CSRNP3: variants seen among roughly 807,000 people sequenced by gnomAD.
The protein encoded by CSRNP3 is cysteine and serine rich nuclear protein 3.
CSRNP3 carries 12 observed loss-of-function variants against 48.0 expected under a neutral mutation model. The ratio of observed to expected loss-of-function variants is 0.25; its 90% confidence interval spans 0.16 to 0.41. The LOEUF (loss-of-function observed/expected upper bound fraction) is 0.41. Among genes scored for constraint, CSRNP3 ranks in the 10% least tolerant of loss-of-function variants. The pLI, the probability that CSRNP3 is intolerant of heterozygous loss-of-function variation, is 1.00. For missense variants in CSRNP3, 580 were observed against 724.4 expected (o/e 0.80, Z 2.29); for synonymous variants, 263 against 269.7 (o/e 0.98, Z 0.24).
chr2:165,666,643 GAC>G (rs1373117805), intron 5 of CSRNP3, among the ~76,000 whole-genome samples: 1 of 94,342 alleles, frequency 1.1e-5, no homozygotes, highest in African/African-American at 4.0e-5. Context: ...AGGGAGGAAA[GAC>G]AGAGAGGAAG....
intron 4 of CSRNP3, among the ~76,000 whole-genome samples, chr2:165,628,890 A>G (rs534674024): frequency 1.3e-5 from 2 of 152,310 alleles, no homozygotes; most frequent in African/African-American, 4.8e-5. Flanking sequence ...ACATAGTGAG[A>G]TCCCATCTCT....
At chr2:165,605,965 A>G (rs1558948276) in intron 4 of CSRNP3, among the ~76,000 whole-genome samples, 3 of 152,266 alleles carry the variant, frequency 2.0e-5, no homozygotes, top group South Asian at 4.1e-4. Flanking sequence ...AAATGGCAAC[A>G]TGGTATGTGA....
chr2:165,656,853 G>T (rs1034491951), intron 4 of CSRNP3, among the ~76,000 whole-genome samples: 1 of 152,044 alleles, frequency 6.6e-6, no homozygotes, highest in Non-Finnish European at 1.5e-5. Flanking sequence ...TGTCTTTTTT[G>T]ATTATAGTAT....
chr2:165,605,717 A>G (rs937653298), intron 4 of CSRNP3, among the ~76,000 whole-genome samples: 2 of 152,168 alleles, frequency 1.3e-5, no homozygotes, highest in African/African-American at 4.8e-5. Flanking sequence ...TATAGGTCCA[A>G]CTTATCCTAA....
intron 4 of CSRNP3, among the ~76,000 whole-genome samples, chr2:165,628,901 A>T (rs1157661418): frequency 6.6e-6 from 1 of 152,180 alleles, no homozygotes; most frequent in East Asian, 1.9e-4. Flanking sequence ...TCCCATCTCT[A>T]TTAAATAAAA....
intron 4 of CSRNP3, among the ~76,000 whole-genome samples, chr2:165,620,898 A>G (rs532870381): frequency 6.6e-6 from 1 of 152,070 alleles, no homozygotes; most frequent in Non-Finnish European, 1.5e-5. Flanking sequence ...TCCCTGAATT[A>G]CATTTTTATC....
chr2:165,679,061 G>C lies in CSRNP3; in HGVS notation c.1066G>C (p.Val356Leu). 6.2e-7 allele frequency: 1 copy of C among 1,613,974 alleles called. No homozygotes were observed. Among genetic ancestry groups the C allele is most frequent in the Non-Finnish European group, 8.5e-7 (1 of 1,179,984 alleles). Residue 356 changes from valine (V) to leucine (L), a missense_variant, in exon 7 of 7, where the codon GTC becomes CTC. Physicochemically the swap from Val to Leu is conservative, Grantham distance 32 (BLOSUM62 1). Transcript: ENST00000651982. ...EEDGSSFCSG[V>L]TDSSTQSLAP... ...GGATGGGAGCAGCTTTTGCAGCGGA[G>C]TCACAGATTCTAGCACGCAAAGCTT... is the stretch of plus-strand genomic sequence containing the variant.
chr2:165,612,539 C>T (rs192625723), intron 4 of CSRNP3, among the ~76,000 whole-genome samples: 94 of 152,036 alleles, frequency 6.2e-4, no homozygotes, highest in African/African-American at 2.2e-3. Context: ...CTAGCTATAA[C>T]TTTTTATCTA....
chr2:165,552,642 C>T (rs149725755), intron 3 of CSRNP3, among the ~76,000 whole-genome samples: 1 of 152,162 alleles, frequency 6.6e-6, no homozygotes, highest in Admixed American at 6.5e-5. Flanking sequence ...AAAATGTTAG[C>T]TCTTGTCTCA....
intron 3 of CSRNP3, among the ~76,000 whole-genome samples, chr2:165,590,764 C>T (rs1340405767): frequency 6.6e-6 from 1 of 152,172 alleles, no homozygotes; most frequent in East Asian, 1.9e-4. Flanking sequence ...TCCCCTTCTG[C>T]CATAATTGTA....
intron 4 of CSRNP3, among the ~76,000 whole-genome samples, chr2:165,639,883 C>T (rs1177346977): frequency 1.3e-5 from 2 of 152,130 alleles, no homozygotes; most frequent in Non-Finnish European, 2.9e-5. Context: ...TAGCATTATT[C>T]CTGATATATT....
chr2:165,665,627 G>C (rs1277256974), intron 5 of CSRNP3, among the ~76,000 whole-genome samples: 1 of 151,988 alleles, frequency 6.6e-6, no homozygotes, highest in African/African-American at 2.4e-5. Flanking sequence ...CTGGGCAGTT[G>C]CATGTGCCTG....
At chr2:165,498,918 A>C (rs933937687) in intron 2 of CSRNP3, among the ~76,000 whole-genome samples, 38 of 152,276 alleles carry the variant, frequency 2.5e-4, no homozygotes, top group Non-Finnish European at 2.4e-4. Context: ...ACAAGAATTA[A>C]AGTTGCTATT....
intron 4 of CSRNP3, among the ~76,000 whole-genome samples, chr2:165,629,332 CCT>C (rs1423296743): frequency 2.0e-5 from 3 of 152,178 alleles, no homozygotes; most frequent in Admixed American, 6.6e-5. Context: ...TCACTGTTTG[CCT>C]CTTTCTGCCT....
At chr2:165,534,988 A>T (rs930264983) in intron 3 of CSRNP3, among the ~76,000 whole-genome samples, 2 of 151,798 alleles carry the variant, frequency 1.3e-5, no homozygotes, top group African/African-American at 4.8e-5. Flanking sequence ...TCTATAAAAA[A>T]TTATCAGATG....
chr2:165,558,982 A>G (rs890138963), intron 3 of CSRNP3, among the ~76,000 whole-genome samples: 2 of 152,190 alleles, frequency 1.3e-5, no homozygotes, highest in African/African-American at 4.8e-5. Flanking sequence ...TTCCCAACTA[A>G]CCAAATCTAC....
chr2:165,593,624 A>G (rs1685760390), intron 3 of CSRNP3, among the ~76,000 whole-genome samples: 1 of 152,214 alleles, frequency 6.6e-6, no homozygotes, highest in Non-Finnish European at 1.5e-5. Flanking sequence ...GTGATTTCAG[A>G]GATTTCCAAG....
At chr2:165,624,356 T>C (rs750879066) in intron 4 of CSRNP3, among the ~76,000 whole-genome samples, 7 of 152,248 alleles carry the variant, frequency 4.6e-5, no homozygotes, top group Non-Finnish European at 8.8e-5. Context: ...GCCTGCTCTA[T>C]AGAATCGCCA....
chr2:165,505,979 C>T (rs142644872), intron 2 of CSRNP3, among the ~76,000 whole-genome samples: 181 of 152,242 alleles, frequency 1.2e-3, no homozygotes, highest in African/African-American at 2.6e-3. Flanking sequence ...GATATCCTAG[C>T]TCATGTAATC....
Sources: allele counts gnomAD v4.1 joint callset (sites outside exome capture counted in the v4.1 genomes callset), GRCh38; gene constraint gnomAD v4.1.1; transcripts MANE v1.5; gene names NCBI Gene and HGNC (gene_info 2026-07-23, HGNC 2026-07-21).